FHL1: variants seen among roughly 807,000 people sequenced by gnomAD.
FHL1 encodes four and a half LIM domains protein 1.
FHL1 carries 1 observed loss-of-function variant against 20.3 expected under a neutral mutation model. That is an observed-to-expected ratio of 0.05 (90% confidence interval 0.02 to 0.23). The LOEUF is 0.23. Among genes scored for constraint, FHL1 ranks in the 10% least tolerant of loss-of-function variants. The probability of loss-of-function intolerance (pLI) is 1.00; values close to 1 mark genes in which losing one functional copy is unlikely to be tolerated. For synonymous variants in FHL1, 82 were observed against 88.9 expected (o/e 0.92, Z 0.44); for missense variants, 177 against 234.0 (o/e 0.76, Z 1.59).
chrX:136,197,067 A>T lies in FHL1; in HGVS notation c.-46A>T, dbSNP rs2073574431. 1 of 1,191,745 alleles carries T rather than the reference A, an allele frequency of 8.4e-7. No homozygotes were observed. The highest frequency in any genetic ancestry group is 2.2e-5 in the Admixed American group (1 of 45,150). The stretch of plus-strand genomic sequence containing the variant: ...GCCACAGCCTTATCAGCTGGGGTTG[A>T]GGGAAGACTGGTCTAGGTGCTGCTC... On this transcript the variant is annotated 5_prime_UTR_variant, in exon 1 of 6. Coordinates refer to ENST00000370683, the MANE Select transcript of FHL1 (RefSeq NM_001159699.2).
At chrX:136,197,265 GTC>G (rs1317449332) in intron 1 of FHL1, 131 bp downstream of exon 1, 2 of 609,812 alleles carry the variant, frequency 3.3e-6, no homozygotes, top group Non-Finnish European at 5.1e-6. Flanking sequence ...ATTATAGCTT[GTC>G]TCTGTTTTGC....
At chrX:136,181,217 A>T (rs2073150002) in intron 2 of FHL1, among the ~76,000 whole-genome samples, 1 of 112,659 alleles carries the variant, frequency 8.9e-6, no homozygotes, top group Non-Finnish European at 1.9e-5. Flanking sequence ...ATTGGCCTGC[A>T]AAAGCTGAAG....
At position 136,206,606 on chromosome X, in the gene FHL1, G is replaced by T. The variant is rs764595951; in HGVS notation, c.204+18G>T. The T allele has an allele frequency of 1.2e-5, 14 of 1,210,187 alleles. No individual in the cohort carries two copies. Among genetic ancestry groups the T allele is most frequent in the Non-Finnish European group, 1.1e-6 (1 of 894,501 alleles). On this transcript the variant is annotated intron_variant, in intron 2 of 5. Coordinates refer to ENST00000370683, the MANE Select transcript of FHL1 (RefSeq NM_001159699.2). ...ACTCCAAGGTAACGGGCATCCCCATGTGCCAATGGGAAGGGCTGGGTTTTG... is the reference window on the plus strand; with the variant it reads ...ACTCCAAGGTAACGGGCATCCCCATTTGCCAATGGGAAGGGCTGGGTTTTG...
chrX:136,147,000 A>G, upstream of FHL1: 1 of 316,405 alleles, frequency 3.2e-6, no homozygotes. Context: ...GCCGCTTTTC[A>G]GGGAGTGCGC....
intron 1 of FHL1, among the ~76,000 whole-genome samples, chrX:136,160,633 C>T (rs1041669740): frequency 8.9e-6 from 1 of 111,819 alleles, no homozygotes; most frequent in African/African-American, 3.2e-5. Context: ...CTATATTGTC[C>T]AGGCTGGTCT....
At chrX:136,155,574 G>T (rs974954886) in intron 1 of FHL1, among the ~76,000 whole-genome samples, 2 of 111,200 alleles carry the variant, frequency 1.8e-5, no homozygotes, top group African/African-American at 3.3e-5. Flanking sequence ...CTTGCCTAGG[G>T]GTGTATTTTT....
chrX:136,160,302 G>A (rs1369909642), intron 1 of FHL1, among the ~76,000 whole-genome samples: 1 of 111,972 alleles, frequency 8.9e-6, no homozygotes, highest in Non-Finnish European at 1.9e-5. Flanking sequence ...TGTGTATCTT[G>A]AAGTGGTTGT....
At chrX:136,187,090 A>T (rs2073323862) in intron 2 of FHL1, among the ~76,000 whole-genome samples, 1 of 109,851 alleles carries the variant, frequency 9.1e-6, no homozygotes, top group African/African-American at 3.3e-5. Flanking sequence ...TAATAGAAAA[A>T]GCAAGGTGCA....
chrX:136,207,551 G>C (rs1372805821), intron 3 of FHL1: 1 of 436,293 alleles, frequency 2.3e-6, no homozygotes, highest in Admixed American at 4.0e-5. Context: ...GTATAGAGGT[G>C]GGGGAGTGGG....
upstream of FHL1, chrX:136,146,857 A>G: frequency 3.0e-6 from 1 of 329,236 alleles, no homozygotes; most frequent in Admixed American, 3.1e-5. Context: ...TGGCACTGGG[A>G]TTATGGATGG....
chrX:136,167,136 T>G (rs905527405), upstream of FHL1: 1 of 111,976 alleles, frequency 8.9e-6, no homozygotes, highest in African/African-American at 3.2e-5. Context: ...GGTGGGAGAA[T>G]AGATGGAGTA....
intron 1 of FHL1, among the ~76,000 whole-genome samples, chrX:136,205,705 T>C (rs2073821621): frequency 8.9e-6 from 1 of 112,221 alleles, no homozygotes; most frequent in Admixed American, 9.4e-5. Context: ...CAAGGATTGC[T>C]TAGGTACCTG....
At chrX:136,207,621 C>A in intron 3 of FHL1, 171 bp from the exon 4 acceptor site, 1 of 515,382 alleles carries the variant, frequency 1.9e-6, no homozygotes, top group Non-Finnish European at 3.2e-6. Context: ...GACAGAAATC[C>A]TGGGTTGGCA....
chrX:136,169,047 A>T (rs1307251228), upstream of FHL1, among the ~76,000 whole-genome samples: 1 of 111,798 alleles, frequency 8.9e-6, no homozygotes, highest in Admixed American at 9.5e-5. Flanking sequence ...TCATTCGCTC[A>T]TGTACATTTT....
chrX:136,209,443 G>C, intron 5 of FHL1: 1 of 1,210,140 alleles, frequency 8.3e-7, no homozygotes, highest in Non-Finnish European at 1.1e-6. Context: ...TCGAGGCCCG[G>C]TAAGTGCACA....
chrX:136,171,861 T>C (rs1400399714), intron 2 of FHL1, among the ~76,000 whole-genome samples: 1 of 99,333 alleles, frequency 1.0e-5, no homozygotes. Flanking sequence ...TCTGTTTTTT[T>C]TATTTTTTTA....
rs1330006542 is a variant in FHL1, at chrX:136,210,583, T to A, written c.*558T>A. On this transcript the variant is annotated 3_prime_UTR_variant, in exon 6 of 6. Transcript: ENST00000370683. ...TAACTAACACGAACTTCCAGAAAAT[T>A]AACATTTGAACTTAGCTGTAATTCT... is the stretch of plus-strand genomic sequence containing the variant. 2.6e-6 allele frequency: 1 copy of A among 390,430 alleles called. No homozygotes were observed. The highest frequency in any genetic ancestry group is 2.9e-5 in the Admixed American group (1 of 34,328). 32.2% of individuals were successfully genotyped at this position (390,430 alleles called of 1,213,427 possible). A position where few individuals can be genotyped will look rare whatever the true frequency, so the allele number is the denominator to read the frequency against.
chrX:136,166,205 A>G (rs1237020809), upstream of FHL1, among the ~76,000 whole-genome samples: 19 of 111,904 alleles, frequency 1.7e-4, 1 homozygote, highest in Admixed American at 1.8e-3. Context: ...ATGCTAGTAC[A>G]GATGATAAAG....
intron 2 of FHL1, among the ~76,000 whole-genome samples, chrX:136,174,684 T>C (rs1240977323): frequency 8.9e-6 from 1 of 111,921 alleles, no homozygotes; most frequent in Non-Finnish European, 1.9e-5. Flanking sequence ...GCAGAGGAGA[T>C]GAAAAATCAA....
Sources: gnomAD v4.1 joint callset for allele counts (sites outside exome capture counted in the v4.1 genomes callset) on GRCh38, gnomAD v4.1.1 for gene constraint, MANE v1.5 for transcripts, NCBI Gene and HGNC (gene_info 2026-07-23, HGNC 2026-07-21) for gene names.